RGS12: variants seen among roughly 807,000 people sequenced by gnomAD.
The protein encoded by RGS12 is regulator of G-protein signaling 12.
Under a neutral mutation model 120.1 loss-of-function variants are expected in RGS12, and 66 were observed. The ratio of observed to expected loss-of-function variants is 0.55; its 90% CI spans 0.45 to 0.67. The LOEUF is 0.67. Among genes scored for constraint, RGS12 ranks in the 30% least tolerant of loss-of-function variants. The pLI is 0.00. For missense variants in RGS12, 1,859 were observed against 1,957.7 expected (o/e 0.95, Z 0.95); for synonymous variants, 827 against 804.7 (o/e 1.03, Z -0.47).
chr4:3,386,593 G>A (rs968813605), intron 4 of RGS12, among the ~76,000 whole-genome samples, 156 bp downstream of exon 4: 10 of 152,126 alleles, frequency 6.6e-5, no homozygotes, highest in Admixed American at 2.0e-4. Context: ...TTCTGGGGGC[G>A]CTTTCTGTGA....
chr4:3,343,204 C>T, intron 3 of RGS12, 151 bp downstream of exon 3: 1 of 605,248 alleles, frequency 1.7e-6, no homozygotes, highest in Non-Finnish European at 2.9e-6. Context: ...GGGACAGCGT[C>T]CCATGCACAT....
In RGS12 at chr4:3,420,757, G is replaced by A. The variant is rs553524959; in HGVS notation, c.2838+39G>A. 4.5e-5 allele frequency: 70 copies of A among 1,549,044 alleles called. No homozygotes were observed. In the South Asian group the frequency reaches 7.3e-4, roughly 16 times the overall value. The stretch of plus-strand genomic sequence containing the variant: ...TCCCCTCGTCCCACAGGCCTCAGGG[G>A]TGTCCCCACCAGCTGACTGATGACA... On this transcript the variant is annotated intron_variant, in intron 10 of 17. Transcript: ENST00000336727.
chr4:3,293,417 G>T (rs1295645191), intron 1 of RGS12, among the ~76,000 whole-genome samples: 1 of 148,122 alleles, frequency 6.8e-6, no homozygotes, highest in East Asian at 2.0e-4. Flanking sequence ...GGCCCGCCCG[G>T]GCCCTTGGCG....
At chr4:3,347,871 T>C (rs1166581373) in intron 3 of RGS12, among the ~76,000 whole-genome samples, 1 of 152,244 alleles carries the variant, frequency 6.6e-6, no homozygotes, top group Non-Finnish European at 1.5e-5. Context: ...ACTAGAGTTA[T>C]GGCATATTAG....
intron 4 of RGS12, among the ~76,000 whole-genome samples, chr4:3,410,563 C>T (rs780269611): frequency 3.4e-4 from 51 of 152,206 alleles, no homozygotes; most frequent in South Asian, 4.1e-4. Flanking sequence ...GGCTGATGAA[C>T]GAAGTGCACC....
chr4:3,413,865 T>TG, intron 4 of RGS12: 1 of 553,976 alleles, frequency 1.8e-6, no homozygotes, highest in Non-Finnish European at 3.2e-6. Context: ...CGCTCAAGGT[T>TG]GGGGTCTGTG....
chr4:3,411,751 C>A (rs896550196), intron 4 of RGS12, among the ~76,000 whole-genome samples: 1 of 152,262 alleles, frequency 6.6e-6, no homozygotes, highest in Non-Finnish European at 1.5e-5. Context: ...ACATGCAGAA[C>A]GGGGCACTTG....
At chr4:3,437,962 T>A (rs928037624) in intron 17 of RGS12, among the ~76,000 whole-genome samples, 11 of 152,240 alleles carry the variant, frequency 7.2e-5, no homozygotes, top group Non-Finnish European at 1.2e-4. Context: ...CACGCTGGGA[T>A]TGGGGACCTT....
chr4:3,311,277 C>T (rs543307647), intron 1 of RGS12, among the ~76,000 whole-genome samples: 26 of 152,296 alleles, frequency 1.7e-4, no homozygotes, highest in Non-Finnish European at 2.9e-4. Context: ...CCTGCTGCAT[C>T]GTAGCTCAGG....
At chr4:3,335,415 G>A (rs566959396) in intron 2 of RGS12, among the ~76,000 whole-genome samples, 7 of 152,140 alleles carry the variant, frequency 4.6e-5, no homozygotes, top group African/African-American at 1.2e-4. Context: ...CAGGTGTGCC[G>A]GTTACTCAGC....
At chr4:3,348,446 C>T (rs1407177586) in intron 3 of RGS12, among the ~76,000 whole-genome samples, 1 of 152,042 alleles carries the variant, frequency 6.6e-6, no homozygotes, top group Non-Finnish European at 1.5e-5. Context: ...ATGGGAAGCC[C>T]GTTTGGTTTG....
At chr4:3,306,973 A>G (rs1221360817) in intron 1 of RGS12, among the ~76,000 whole-genome samples, 1 of 152,124 alleles carries the variant, frequency 6.6e-6, no homozygotes, top group African/African-American at 2.4e-5. Context: ...CAACTAAGCA[A>G]TGTGCCAGGG....
chr4:3,344,285 A>G (rs1185586919), intron 3 of RGS12, among the ~76,000 whole-genome samples: 1 of 152,168 alleles, frequency 6.6e-6, no homozygotes, highest in African/African-American at 2.4e-5. Context: ...GGTCAGGGCT[A>G]GCGTGCTGTA....
chr4:3,406,944 A>G (rs1200809131), intron 4 of RGS12, among the ~76,000 whole-genome samples: 6 of 152,250 alleles, frequency 3.9e-5, no homozygotes, highest in Admixed American at 3.9e-4. Flanking sequence ...TCCTAACTAA[A>G]TACATATTCC....
At chr4:3,415,078 C>T (rs1360062102) in intron 6 of RGS12, among the ~76,000 whole-genome samples, 4 of 86,118 alleles carry the variant, frequency 4.6e-5, no homozygotes, top group African/African-American at 9.1e-5. Flanking sequence ...CGTGTGAGGT[C>T]GCGTGTGTGA....
chr4:3,409,442 G>C (rs1721499688), intron 4 of RGS12, among the ~76,000 whole-genome samples: 1 of 152,240 alleles, frequency 6.6e-6, no homozygotes, highest in African/African-American at 2.4e-5. Context: ...TGAACATGAT[G>C]TTAGTCAATA....
chr4:3,407,121 A>G (rs1721214929), intron 4 of RGS12, among the ~76,000 whole-genome samples: 1 of 152,206 alleles, frequency 6.6e-6, no homozygotes, highest in Non-Finnish European at 1.5e-5. Flanking sequence ...TTAATAAAGC[A>G]CAAATTGCTG....
intron 2 of RGS12, among the ~76,000 whole-genome samples, chr4:3,319,248 C>T (rs1428342556): frequency 6.6e-6 from 1 of 152,148 alleles, no homozygotes; most frequent in Non-Finnish European, 1.5e-5. Flanking sequence ...TGTGTTGCAG[C>T]CACTGCACTC....
chr4:3,330,161 C>A (rs1393337146), intron 2 of RGS12, among the ~76,000 whole-genome samples: 1 of 152,180 alleles, frequency 6.6e-6, no homozygotes, highest in African/African-American at 2.4e-5. Context: ...GAAGTATCTC[C>A]ATTTTGTACT....
Sources: allele counts gnomAD v4.1 joint callset (sites outside exome capture counted in the v4.1 genomes callset), GRCh38; gene constraint gnomAD v4.1.1; transcripts MANE v1.5; gene names NCBI Gene and HGNC (gene_info 2026-07-23, HGNC 2026-07-21).